The following HECTD4 variants were observed in gnomAD, a reference collection of about 807,000 sequenced individuals.
HECTD4 encodes HECT domain E3 ubiquitin protein ligase 4.
HECTD4 carries 114 observed loss-of-function variants against 471.5 expected under a neutral mutation model. That is an observed-to-expected ratio of 0.24 (90% CI 0.21 to 0.28). The LOEUF is 0.28. Among genes scored for constraint, HECTD4 ranks in the 10% least tolerant of loss-of-function variants. The pLI, the probability that HECTD4 is intolerant of heterozygous loss-of-function variation, is 1.00. For missense variants in HECTD4, 3,866 were observed against 5,651.5 expected (o/e 0.68, Z 10.13); for synonymous variants, 2,012 against 2,256.0 (o/e 0.89, Z 3.07).
At chr12:112,230,317 G>A (rs1593955322) in intron 40 of HECTD4, among the ~76,000 whole-genome samples, 1 of 152,186 alleles carries the variant, frequency 6.6e-6, no homozygotes, top group African/African-American at 2.4e-5. Context: ...AGGGCACTCA[G>A]GCAGTGTAAA....
At chr12:112,174,474 G>A (rs537117681) in intron 66 of HECTD4, among the ~76,000 whole-genome samples, 5 of 137,646 alleles carry the variant, frequency 3.6e-5, no homozygotes, top group South Asian at 2.4e-4. Flanking sequence ...GGTTGGTCTC[G>A]AACTCCTGAC....
chr12:112,270,601 G>A (rs2034394017), intron 11 of HECTD4, 142 bp from the exon 12 acceptor site: 4 of 689,528 alleles, frequency 5.8e-6, no homozygotes, highest in Non-Finnish European at 9.9e-6. Flanking sequence ...GCCAGAGAAC[G>A]CTTCTCCCTG....
At chr12:112,219,598 T>C (rs979962337) in intron 44 of HECTD4, 109 bp from the exon 45 acceptor site, 17 of 693,392 alleles carry the variant, frequency 2.5e-5, no homozygotes, top group Middle Eastern at 2.5e-4. Context: ...ATAGAGCTCA[T>C]TGAATTTTTT....
At chr12:112,299,540 T>C (rs2035119707) in intron 7 of HECTD4, among the ~76,000 whole-genome samples, 1 of 152,080 alleles carries the variant, frequency 6.6e-6, no homozygotes, top group South Asian at 2.1e-4. Context: ...GGAGGTTCAC[T>C]TGAGCCCAGG....
At chr12:112,169,963 C>T (rs191394281) in intron 69 of HECTD4, 62 of 554,432 alleles carry the variant, frequency 1.1e-4, no homozygotes, top group African/African-American at 7.7e-4. Context: ...GTTTCCTCTG[C>T]GCATATCCCC....
intron 1 of HECTD4, among the ~76,000 whole-genome samples, chr12:112,333,302 T>G (rs1414330916): frequency 1.3e-5 from 2 of 152,214 alleles, no homozygotes; most frequent in African/African-American, 4.8e-5. Flanking sequence ...GCTGCACCAT[T>G]TTACATTCCC....
Position 112,235,646 on chromosome 12 carries a change from G to A in HECTD4, c.5583C>T (p.Ser1861=), listed in dbSNP as rs192164701. The part of the protein sequence containing the change: ...QLCRAALPLM[S]VEDCGNVELP... ...GCTCCACGTTTCCACAGTCTTCTACGCTCATCAGGGGCAGCGCCGCCCGGC... is the reference window on the plus strand; with the variant it reads ...GCTCCACGTTTCCACAGTCTTCTACACTCATCAGGGGCAGCGCCGCCCGGC... The change falls in exon 36 of 76, where the codon AGC becomes AGT. Residue 1861 remains serine, a synonymous_variant. Transcript: ENST00000682272. This position sits in a 1 kb window ranked among gnomAD's most constrained non-coding sequence, Gnocchi z 5.0. The A allele has an allele frequency of 1.1e-4, 174 of 1,614,014 alleles. 1 individual carries two copies. The East Asian group carries it at 2.5e-3, about 23-fold the overall frequency.
rs151280588 is a variant in HECTD4, at chr12:112,190,821, G to A, written c.9437C>T (p.Pro3146Leu). The A allele has an allele frequency of 5.0e-6, 8 of 1,589,934 alleles. No homozygotes were observed. The highest frequency in any genetic ancestry group is 4.6e-5 in the South Asian group (4 of 86,754). ...GKSEDEPDTI[P>L]TSVLLQVVEL... is the part of the protein sequence containing the mutation. The stretch of plus-strand genomic sequence containing the variant: ...CACCACCTGCAGGAGGACGGATGTC[G>A]GAATGGTGTCAGGCTCATCTTCGGA... The change falls in exon 60 of 76, where the codon CCG becomes CTG. Residue 3146 changes from proline (P) to leucine (L), a missense_variant. This residue lies in a region of HECTD4 where 364 missense variants were observed against 413.2 expected (regional missense o/e 0.88). Transcript: ENST00000682272.
At chr12:112,339,810 A>G (rs957744655) in intron 1 of HECTD4, among the ~76,000 whole-genome samples, 5 of 152,212 alleles carry the variant, frequency 3.3e-5, no homozygotes, top group African/African-American at 1.2e-4. Flanking sequence ...GCACTCTGGG[A>G]GGCTGAGGCA....
intron 1 of HECTD4, among the ~76,000 whole-genome samples, chr12:112,351,610 A>T (rs1028709371): frequency 2.6e-5 from 4 of 152,272 alleles, no homozygotes; most frequent in Non-Finnish European, 5.9e-5. Flanking sequence ...ATCATGCTTT[A>T]ATAAATACAA....
chr12:112,229,678 G>T lies in HECTD4; in HGVS notation c.6519+20C>A. 1.9e-6 allele frequency: 3 copies of T among 1,595,714 alleles called. No homozygotes were observed. Among genetic ancestry groups the T allele is most frequent in the Non-Finnish European group, 2.6e-6 (3 of 1,167,824 alleles). On this transcript the variant is annotated intron_variant, in intron 41 of 75. Transcript: ENST00000682272. Reference sequence around the variant, plus strand: ...TATATATGGGGGAAGCAATGATTTGGGGAACATGGTGGTTGGTACCTGAAC... The same window carrying T: ...TATATATGGGGGAAGCAATGATTTGTGGAACATGGTGGTTGGTACCTGAAC...
intron 55 of HECTD4, among the ~76,000 whole-genome samples, chr12:112,196,130 ACT>A (rs1222860797): frequency 1.3e-5 from 2 of 152,128 alleles, no homozygotes; most frequent in Admixed American, 6.5e-5. Context: ...ACAGAGCAAG[ACT>A]CTGTTTCTAA....
At chr12:112,372,032 T>C (rs995863485) in intron 1 of HECTD4, among the ~76,000 whole-genome samples, 2 of 151,702 alleles carry the variant, frequency 1.3e-5, no homozygotes, top group African/African-American at 4.8e-5. Context: ...GCTGGCTGAA[T>C]ATGCATAAAA....
At chr12:112,330,865 C>A (rs1033100178) in intron 1 of HECTD4, among the ~76,000 whole-genome samples, 1 of 152,126 alleles carries the variant, frequency 6.6e-6, no homozygotes, top group Non-Finnish European at 1.5e-5. Context: ...CACATAAGAA[C>A]CTTTTAATTA....
Position 112,219,472 on chromosome 12 carries a change from C to T in HECTD4, c.6988G>A (p.Val2330Met), listed in dbSNP as rs776326496. ...CTCAGCCGTTCACACTGTACCTCCA[C>T]AACTGCAAGTCGCTCTCCTGTAGAG... ...ECSAGERLAV[V>M]EVQCERLRML... Residue 2330 changes from valine to methionine, a missense_variant, in exon 45 of 76, where the codon GTG (valine) becomes ATG (methionine). Coordinates refer to ENST00000682272, the MANE Select transcript of HECTD4 (RefSeq NM_001388303.1). 6.2e-7 allele frequency: 1 copy of T among 1,613,602 alleles called. No homozygotes were observed. The highest frequency in any genetic ancestry group is 8.5e-7 in the Non-Finnish European group (1 of 1,179,646).
rs565201888 is a variant in HECTD4 at position 112,265,742 on chromosome 12, T to C, written c.2498+136A>G. 1.2e-3 allele frequency: 781 copies of C among 635,078 alleles called. 1 individual carries two copies. Among genetic ancestry groups the C allele is most frequent in the Non-Finnish European group, 1.4e-3 (504 of 361,552 alleles). The allele number at this position is 635,078 out of a possible 1,614,324, so 39.3% of individuals were successfully genotyped here. A position where few individuals can be genotyped will look rare whatever the true frequency, so the allele number is the denominator to read the frequency against. On this transcript the variant is annotated intron_variant, in intron 15 of 75. Coordinates refer to ENST00000682272, the MANE Select transcript of HECTD4 (RefSeq NM_001388303.1). ...ACTGTGGAATCTATTATCTTTCAAC[T>C]GGTCCATGCTTTAGGTTTAACATGC...
chr12:112,368,318 G>A (rs1453254469), intron 1 of HECTD4, among the ~76,000 whole-genome samples: 1 of 152,102 alleles, frequency 6.6e-6, no homozygotes, highest in Non-Finnish European at 1.5e-5. Context: ...ATTGGGAGAG[G>A]ATTCATACAG....
rs764664521 is a variant in HECTD4 at position 112,252,591 on chromosome 12, C to T, written c.3448-63G>A. The T allele has an allele frequency of 3.2e-6, 5 of 1,553,534 alleles. No homozygotes were observed. In the Admixed American group the frequency reaches 5.9e-5, roughly 18 times the overall value. On this transcript the variant is annotated intron_variant, in intron 22 of 75. Coordinates refer to ENST00000682272, the MANE Select transcript of HECTD4 (RefSeq NM_001388303.1). ...AACAAGATACACAATTTCAAAAGAG[C>T]AATGAATTTCAGAGGTTTACTTTCA...
chr12:112,301,578 A>G (rs2135675205), intron 7 of HECTD4, among the ~76,000 whole-genome samples: 1 of 152,212 alleles, frequency 6.6e-6, no homozygotes, highest in African/African-American at 2.4e-5. Context: ...TGGCTCCACC[A>G]CATCTTTTAT....
Sources: gnomAD v4.1 joint callset for allele counts (sites outside exome capture counted in the v4.1 genomes callset) on GRCh38, gnomAD v4.1.1 for gene constraint, gnomAD v4.1.1 regional missense constraint, Gnocchi (gnomAD v3.1) non-coding constraint, MANE v1.5 for transcripts, NCBI Gene and HGNC (gene_info 2026-07-23, HGNC 2026-07-21) for gene names.